Variants in PEX5L observed in about 807,000 individuals in gnomAD.
PEX5L encodes the protein peroxisomal biogenesis factor 5 like, also known as PEX5-related protein.
PEX5L carries 30 observed loss-of-function variants against 84.0 expected under a neutral mutation model. The ratio of observed to expected loss-of-function variants is 0.36; its 90% confidence interval spans 0.27 to 0.48. The LOEUF is 0.48. Among genes scored for constraint, PEX5L ranks in the 20% least tolerant of loss-of-function variants. PEX5L has a pLI of 0.99. For missense variants in PEX5L, 533 were observed against 754.6 expected (o/e 0.71, Z 3.44); for synonymous variants, 270 against 283.1 (o/e 0.95, Z 0.46).
In PEX5L at chr3:179,887,566, G is replaced by T. The variant is rs147630562; in HGVS notation, c.310+107C>A. 2.0e-3 allele frequency: 1,460 copies of T among 745,044 alleles called. 15 individuals are homozygous for T. In the African/African-American group the frequency reaches 0.023, roughly 12 times the overall value. 46.2% of individuals were successfully genotyped at this position (745,044 alleles called of 1,614,324 possible). On this transcript the variant is annotated intron_variant, in intron 4 of 14. Coordinates refer to ENST00000467460, the MANE Select transcript of PEX5L (RefSeq NM_016559.3). Reference sequence around the variant, plus strand: ...AGTATACATTCTAAAGTTTCATTTGGTTGCAAACGTTCTTTCCTCACTTAA... The same window carrying T: ...AGTATACATTCTAAAGTTTCATTTGTTTGCAAACGTTCTTTCCTCACTTAA...
intron 11 of PEX5L, among the ~76,000 whole-genome samples, chr3:179,810,002 C>CTTTTTTTTTT (rs35662193): frequency 2.2e-5 from 1 of 45,306 alleles, no homozygotes; most frequent in African/African-American, 9.1e-5. Flanking sequence ...TTTAATGCTG[C>CTTTTTTTTTT]TTTTTTTTTT....
intron 1 of PEX5L, among the ~76,000 whole-genome samples, chr3:180,008,536 T>C (rs1165477691): frequency 2.0e-5 from 3 of 152,202 alleles, no homozygotes. Flanking sequence ...ACCAACTTAC[T>C]GTATTAGTTC....
At position 179,801,077 on chromosome 3, in the gene PEX5L, G is replaced by A. The variant is rs1718725101; in HGVS notation, c.*751C>T. On this transcript the variant is annotated 3_prime_UTR_variant, in exon 15 of 15. Coordinates refer to ENST00000467460, the MANE Select transcript of PEX5L (RefSeq NM_016559.3). ...CCTACACTATGAAAAACTGTCTTCA[G>A]GAATTGTTTATTTGGTCCGTTGATC... is the stretch of plus-strand genomic sequence containing the variant. 1 of 152,564 alleles carries A rather than the reference G, an allele frequency of 6.6e-6. No homozygotes were observed. Among genetic ancestry groups the A allele is most frequent in the Non-Finnish European group, 1.5e-5 (1 of 68,034 alleles). 9.5% of individuals were successfully genotyped at this position (152,564 alleles called of 1,614,324 possible). A position where few individuals can be genotyped will look rare whatever the true frequency, so the allele number is the denominator to read the frequency against.
At chr3:180,030,909 C>T (rs1252279128) in intron 1 of PEX5L, among the ~76,000 whole-genome samples, 2 of 145,882 alleles carry the variant, frequency 1.4e-5, no homozygotes, top group African/African-American at 2.5e-5. Context: ...GAGCTGCTGG[C>T]GGGGATTTTT....
intron 7 of PEX5L, among the ~76,000 whole-genome samples, chr3:179,871,180 G>A (rs1232597189): frequency 7.1e-6 from 1 of 140,596 alleles, no homozygotes; most frequent in East Asian, 2.1e-4. Context: ...TTGGCTCACT[G>A]CAACCTCTGC....
intron 10 of PEX5L, among the ~76,000 whole-genome samples, chr3:179,813,976 ATTTTTTT>A (rs71182520): frequency 7.6e-6 from 1 of 132,154 alleles, no homozygotes; most frequent in Non-Finnish European, 1.6e-5. Context: ...GCGCCCGGCC[ATTTTTTT>A]TTTTTTTTTG....
chr3:179,858,922 C>G (rs1277242843), intron 8 of PEX5L, 140 bp downstream of exon 8: 1 of 626,178 alleles, frequency 1.6e-6, no homozygotes, highest in African/African-American at 1.8e-5. Flanking sequence ...AAATGATTGT[C>G]TCATTTTGAC....
intron 1 of PEX5L, chr3:179,973,197 G>A (rs1219920861): frequency 6.2e-6 from 8 of 1,288,920 alleles, no homozygotes; most frequent in Middle Eastern, 2.1e-4. Flanking sequence ...CTGGACAAAA[G>A]GGCATTAAGT....
intron 3 of PEX5L, among the ~76,000 whole-genome samples, chr3:179,894,784 C>G (rs925298711): frequency 3.3e-5 from 5 of 151,908 alleles, no homozygotes; most frequent in Non-Finnish European, 7.4e-5. Flanking sequence ...AAAAAAGTCC[C>G]TTAACAAGAA....
intron 7 of PEX5L, among the ~76,000 whole-genome samples, chr3:179,869,746 C>G (rs1749627950): frequency 1.3e-5 from 2 of 152,160 alleles, no homozygotes; most frequent in Admixed American, 1.3e-4. Context: ...GACACCACAC[C>G]AACTCAGTTA....
chr3:180,012,543 A>G (rs1388708276), intron 1 of PEX5L, among the ~76,000 whole-genome samples: 1 of 152,196 alleles, frequency 6.6e-6, no homozygotes, highest in Non-Finnish European at 1.5e-5. Context: ...ATATGATTAT[A>G]GCACTCAGCA....
intron 2 of PEX5L, among the ~76,000 whole-genome samples, chr3:179,920,104 G>C (rs2109378192): frequency 6.6e-6 from 1 of 152,298 alleles, no homozygotes; most frequent in Non-Finnish European, 1.5e-5. Flanking sequence ...CAAGAAGGAG[G>C]TGTTCCTTCA....
chr3:179,893,735 A>C (rs145560802), intron 3 of PEX5L, among the ~76,000 whole-genome samples: 4 of 152,238 alleles, frequency 2.6e-5, no homozygotes, highest in African/African-American at 9.6e-5. Context: ...ATAATTTTTA[A>C]AGTTAAAACA....
chr3:179,961,853 G>A (rs550562713), intron 2 of PEX5L, among the ~76,000 whole-genome samples: 2 of 152,272 alleles, frequency 1.3e-5, no homozygotes, highest in East Asian at 1.9e-4. Flanking sequence ...ACTTCAAAAC[G>A]GATGGGCCTG....
intron 8 of PEX5L, among the ~76,000 whole-genome samples, chr3:179,847,059 A>G (rs62291600): frequency 4.2e-4 from 47 of 111,924 alleles, no homozygotes; most frequent in South Asian, 1.1e-3. Context: ...CCCTTTCTCC[A>G]TGTGTGTGTG....
rs1196775111 is a variant in PEX5L, at chr3:179,875,366, T to G, written c.617A>C (p.Lys206Thr). 1.9e-6 allele frequency: 3 copies of G among 1,614,018 alleles called. No individual in the cohort carries two copies. Among genetic ancestry groups the G allele is most frequent in the Non-Finnish European group, 1.7e-6 (2 of 1,179,882 alleles). Residue 206 changes from lysine to threonine, a missense_variant, in exon 6 of 15, where the codon AAA becomes ACA. By Grantham distance (78) the Lys-to-Thr change is moderately conservative (BLOSUM62 -1). This residue lies in a region of PEX5L where 259 missense variants were observed against 301.7 expected (regional missense o/e 0.86). Transcript: ENST00000467460. The stretch of plus-strand genomic sequence containing the variant: ...TAAAATACCTTACCATAAGAGCTCT[T>G]TTGATCCAGTTCTAGATGAGGATGA... ...RKSSSSRTGS[K>T]ELLWSSEHRS...
intron 2 of PEX5L, among the ~76,000 whole-genome samples, chr3:179,927,411 G>A (rs1771775506): frequency 1.3e-5 from 2 of 152,196 alleles, no homozygotes; most frequent in African/African-American, 4.8e-5. Flanking sequence ...AAACAGGCCA[G>A]TGTGGCTGCC....
chr3:179,843,953 G>A (rs1738258402), intron 8 of PEX5L, among the ~76,000 whole-genome samples: 1 of 152,164 alleles, frequency 6.6e-6, no homozygotes, highest in African/African-American at 2.4e-5. Context: ...TGAGTAATGA[G>A]GCAGAGACCA....
At chr3:179,867,941 G>A (rs4854953) in intron 7 of PEX5L, among the ~76,000 whole-genome samples, 70,866 of 151,842 alleles carry the variant, frequency 0.47, 17,079 homozygotes, top group East Asian at 0.79. Context: ...AAGGGAAATT[G>A]TGAATTATCT....
Sources: gnomAD v4.1 joint callset for allele counts (sites outside exome capture counted in the v4.1 genomes callset) on GRCh38, gnomAD v4.1.1 for gene constraint, gnomAD v4.1.1 regional missense constraint, MANE v1.5 for transcripts, NCBI Gene and HGNC (gene_info 2026-07-23, HGNC 2026-07-21) for gene names.